Variants in CCDC73 observed in about 807,000 individuals in gnomAD.
CCDC73 encodes coiled-coil domain-containing protein 73.
A neutral mutation model predicts 116.5 loss-of-function variants in CCDC73; 95 were observed. That is an observed-to-expected ratio of 0.82 (90% confidence interval 0.69 to 0.97). CCDC73 has a LOEUF of 0.97. Among genes scored for constraint, CCDC73 ranks in the 50% least tolerant of loss-of-function variants. The pLI, the probability that CCDC73 is intolerant of heterozygous loss-of-function variation, is 0.00. For missense variants in CCDC73, 1,066 were observed against 1,206.8 expected (o/e 0.88, Z 1.73); for synonymous variants, 398 against 401.3 (o/e 0.99, Z 0.10).
intron 2 of CCDC73, among the ~76,000 whole-genome samples, chr11:32,751,039 C>T (rs554786334): frequency 6.6e-6 from 1 of 152,278 alleles, no homozygotes; most frequent in South Asian, 2.1e-4. Flanking sequence ...TGAATCCTGC[C>T]AGAACTGAAT....
At chr11:32,737,335 G>T (rs1850142723) in intron 2 of CCDC73, among the ~76,000 whole-genome samples, 1 of 151,218 alleles carries the variant, frequency 6.6e-6, no homozygotes, top group African/African-American at 2.4e-5. Context: ...TCACATCAGG[G>T]CCAGGCACAG....
chr11:32,620,572 C>T (rs146709567), intron 14 of CCDC73, among the ~76,000 whole-genome samples: 1,427 of 131,832 alleles, frequency 0.011, 23 homozygotes, highest in African/African-American at 0.04. Context: ...GATCACGCCA[C>T]TGCACTCCAG....
intron 6 of CCDC73, among the ~76,000 whole-genome samples, chr11:32,685,083 A>G (rs1167103212): frequency 6.6e-6 from 1 of 152,156 alleles, no homozygotes; most frequent in African/African-American, 2.4e-5. Context: ...ACTTTAAGCA[A>G]AAGTACAATA....
chr11:32,819,065 T>C, the CCDC73 span, among the ~76,000 whole-genome samples: 1 of 152,196 alleles, frequency 6.6e-6, no homozygotes, highest in African/African-American at 2.4e-5. Context: ...ATGGTAAATT[T>C]TGTTATGTAA....
At chr11:32,657,228 C>A (rs1163554472) in intron 9 of CCDC73, among the ~76,000 whole-genome samples, 3 of 152,142 alleles carry the variant, frequency 2.0e-5, no homozygotes, top group Non-Finnish European at 2.9e-5. Flanking sequence ...GAAAAACTCA[C>A]CCAAGTATAT....
intron 14 of CCDC73, among the ~76,000 whole-genome samples, chr11:32,634,788 A>C (rs201852): frequency 0.43 from 65,886 of 151,940 alleles, 14,714 homozygotes; most frequent in African/African-American, 0.49. Flanking sequence ...CTATTATAAC[A>C]ATAACTTAAT....
chr11:32,717,513 C>A (rs1350477280), intron 3 of CCDC73, among the ~76,000 whole-genome samples: 2 of 152,114 alleles, frequency 1.3e-5, no homozygotes, highest in Non-Finnish European at 2.9e-5. Flanking sequence ...GAACAAAATT[C>A]TTATTCTCAG....
At chr11:32,801,561 A>T in the CCDC73 span, among the ~76,000 whole-genome samples, 1 of 152,006 alleles carries the variant, frequency 6.6e-6, no homozygotes, top group African/African-American at 2.4e-5. Flanking sequence ...GAATCGCTTG[A>T]ACCTGGGAGG....
intron 14 of CCDC73, among the ~76,000 whole-genome samples, chr11:32,634,784 T>C (rs1855663388): frequency 6.6e-6 from 1 of 152,132 alleles, no homozygotes; most frequent in African/African-American, 2.4e-5. Flanking sequence ...ACAACTATTA[T>C]AACAATAACT....
intron 14 of CCDC73, 129 bp from the exon 15 acceptor site, chr11:32,616,258 G>A (rs1855474000): frequency 2.2e-6 from 2 of 928,308 alleles, no homozygotes; most frequent in Non-Finnish European, 3.1e-6. Flanking sequence ...AAAGTCAAAT[G>A]ATTTTTTAGT....
At chr11:32,747,157 G>A (rs1358873292) in intron 2 of CCDC73, among the ~76,000 whole-genome samples, 1 of 152,172 alleles carries the variant, frequency 6.6e-6, no homozygotes, top group Non-Finnish European at 1.5e-5. Flanking sequence ...CTTTCTGTTT[G>A]TTAGTTTTCC....
At chr11:32,612,520 C>T (rs1231249277) in intron 16 of CCDC73, among the ~76,000 whole-genome samples, 1 of 151,792 alleles carries the variant, frequency 6.6e-6, no homozygotes, top group Non-Finnish European at 1.5e-5. Flanking sequence ...AGGAGGATCA[C>T]TTGAGCCCAG....
At chr11:32,711,132 C>A (rs940439097) in intron 3 of CCDC73, among the ~76,000 whole-genome samples, 18 of 152,108 alleles carry the variant, frequency 1.2e-4, no homozygotes, top group East Asian at 1.9e-4. Flanking sequence ...ATCAAAAAAT[C>A]AAAAAATAAT....
chr11:32,773,935 C>T (rs1850511274), intron 1 of CCDC73, among the ~76,000 whole-genome samples: 1 of 152,054 alleles, frequency 6.6e-6, no homozygotes, highest in African/African-American at 2.4e-5. Flanking sequence ...TTCATTTTCC[C>T]CAGAGAACTC....
the CCDC73 span, among the ~76,000 whole-genome samples, chr11:32,810,759 C>A: frequency 6.6e-6 from 1 of 152,004 alleles, no homozygotes; most frequent in Non-Finnish European, 1.5e-5. Context: ...CTTTAACTCC[C>A]CCCTTCTCCA....
At chr11:32,674,410 A>C (rs1856065838) in intron 9 of CCDC73, among the ~76,000 whole-genome samples, 1 of 152,176 alleles carries the variant, frequency 6.6e-6, no homozygotes, top group Non-Finnish European at 1.5e-5. Flanking sequence ...TTCCTCTTGT[A>C]CCAACTCTCC....
chr11:32,673,873 T>C (rs536609839), intron 9 of CCDC73, among the ~76,000 whole-genome samples: 1 of 152,090 alleles, frequency 6.6e-6, no homozygotes, highest in South Asian at 2.1e-4. Context: ...ACCCAGAAGG[T>C]CAAGAAGAGA....
chr11:32,603,082 T>C (rs1855298221), intron 17 of CCDC73, 62 bp from the exon 18 acceptor site: 3 of 1,356,626 alleles, frequency 2.2e-6, no homozygotes, highest in African/African-American at 2.9e-5. Flanking sequence ...AAAGAGTCTG[T>C]AAAGCCTCTG....
chr11:32,613,905 C>A lies in CCDC73; in HGVS notation c.2413G>T (p.Glu805Ter). 1 of 1,612,650 alleles carries A rather than the reference C, an allele frequency of 6.2e-7. No homozygotes were observed. Among genetic ancestry groups the A allele is most frequent in the Non-Finnish European group, 8.5e-7 (1 of 1,179,862 alleles). Residue 805 changes from glutamate to a stop codon, truncating the protein, a stop_gained, in exon 16 of 18, where the codon GAG becomes TAG. Coordinates refer to ENST00000335185, the MANE Select transcript of CCDC73 (RefSeq NM_001008391.4). LOFTEE classifies it high-confidence loss of function. ...ATCTGATTCTTTTTATTGGAAAACT[C>A]TGTTTCTGTGCAAGTTTTCATGTGA... is the stretch of plus-strand genomic sequence containing the variant. Reference protein sequence around the residue: ...AVHMKTCTETEFSNKKNQIDE... With the variant: ...AVHMKTCTET
Sources: allele counts gnomAD v4.1 joint callset (sites outside exome capture counted in the v4.1 genomes callset), GRCh38; gene constraint gnomAD v4.1.1; transcripts MANE v1.5; gene names NCBI Gene and HGNC (gene_info 2026-07-23, HGNC 2026-07-21).